The following ANO4 variants were observed in gnomAD, a reference collection of about 807,000 sequenced individuals.
ANO4 encodes the protein anoctamin-4.
ANO4 carries 69 observed loss-of-function variants against 141.9 expected under a neutral mutation model. That is an observed-to-expected ratio of 0.49 (90% CI 0.40 to 0.59). The LOEUF (loss-of-function observed/expected upper bound fraction) is 0.59. Ranked by LOEUF, ANO4 falls within the 20% of genes least tolerant of loss-of-function variation. ANO4 has a pLI of 0.00. For missense variants in ANO4, 894 were observed against 1,162.2 expected, an observed-to-expected ratio of 0.77 and a Z score of 3.36; for synonymous variants, 350 against 394.3, an observed-to-expected ratio of 0.89 and a Z score of 1.33.
At chr12:101,084,223 G>A (rs1434533581) in intron 16 of ANO4, among the ~76,000 whole-genome samples, 1 of 152,178 alleles carries the variant, frequency 6.6e-6, no homozygotes. Flanking sequence ...AATATGCCAA[G>A]CAAGTAGATG....
intron 14 of ANO4, among the ~76,000 whole-genome samples, chr12:101,049,172 G>T (rs777738487): frequency 6.6e-5 from 10 of 152,150 alleles, no homozygotes; most frequent in Middle Eastern, 3.4e-3. Context: ...TTTTTAGTCT[G>T]GTTTGAATTT....
chr12:100,751,660 C>T (rs1229056059), intron 3 of ANO4, among the ~76,000 whole-genome samples: 4 of 151,842 alleles, frequency 2.6e-5, no homozygotes, highest in Non-Finnish European at 4.4e-5. Flanking sequence ...TACTTTGTGC[C>T]CAGTACTACA....
At chr12:100,812,781 A>G (rs1009128026) in intron 1 of ANO4, among the ~76,000 whole-genome samples, 1 of 152,204 alleles carries the variant, frequency 6.6e-6, no homozygotes, top group Non-Finnish European at 1.5e-5. Flanking sequence ...TGAAGAGTAC[A>G]TTGTGTTTCG....
At chr12:100,850,800 A>G (rs1196198437) in intron 1 of ANO4, among the ~76,000 whole-genome samples, 2 of 152,172 alleles carry the variant, frequency 1.3e-5, no homozygotes, top group East Asian at 1.9e-4. Flanking sequence ...GATCTTGATT[A>G]TATAGATTTC....
intron 1 of ANO4, among the ~76,000 whole-genome samples, chr12:100,864,623 T>G (rs1178208597): frequency 6.6e-6 from 1 of 152,150 alleles, no homozygotes; most frequent in East Asian, 1.9e-4. Flanking sequence ...TAAGCCCTGC[T>G]TTTGCCTCAA....
chr12:101,110,309 G>A, intron 22 of ANO4, 95 bp from the exon 23 acceptor site: 1 of 1,293,694 alleles, frequency 7.7e-7, no homozygotes. Flanking sequence ...GGGAAAAATG[G>A]GACTTAAGAC....
chr12:100,838,050 G>A (rs573203344), intron 1 of ANO4, among the ~76,000 whole-genome samples: 1 of 152,060 alleles, frequency 6.6e-6, no homozygotes, highest in Admixed American at 6.6e-5. Flanking sequence ...CATGGTAGGG[G>A]GCATAGTGGA....
intron 2 of ANO4, among the ~76,000 whole-genome samples, chr12:100,914,131 T>C (rs2041233267): frequency 6.6e-6 from 1 of 152,240 alleles, no homozygotes; most frequent in African/African-American, 2.4e-5. Context: ...AGCTTTGCAA[T>C]TCTGACTTCC....
chr12:100,881,413 CTG>C (rs141015998), intron 1 of ANO4, among the ~76,000 whole-genome samples: 22,870 of 148,808 alleles, frequency 0.15, 1,918 homozygotes, highest in East Asian at 0.21. Flanking sequence ...TATAATAAAA[CTG>C]TTTTTATCTT....
At chr12:100,922,203 A>T in intron 2 of ANO4, 23 bp from the exon 3 acceptor site, 1 of 1,510,230 alleles carries the variant, frequency 6.6e-7, no homozygotes, top group Non-Finnish European at 8.8e-7. Context: ...TGCAAACTCC[A>T]TGAATATCTT....
At chr12:100,746,192 G>A (rs991813262) in intron 3 of ANO4, among the ~76,000 whole-genome samples, 19 of 152,144 alleles carry the variant, frequency 1.2e-4, no homozygotes, top group Admixed American at 7.2e-4. Context: ...GGTGGCTCAC[G>A]CCTGTAATCC....
At chr12:100,956,588 CT>C (rs1275222327) in intron 5 of ANO4, among the ~76,000 whole-genome samples, 1 of 152,182 alleles carries the variant, frequency 6.6e-6, no homozygotes, top group Non-Finnish European at 1.5e-5. Flanking sequence ...CCAGAATATT[CT>C]TTTGGATTGT....
At chr12:100,722,050 A>G (rs931949970) in intron 1 of ANO4, among the ~76,000 whole-genome samples, 5 of 152,142 alleles carry the variant, frequency 3.3e-5, no homozygotes, top group African/African-American at 4.8e-5. Context: ...TGAGGTCACT[A>G]AGAAGTTAAA....
chr12:100,925,812 T>TATAC (rs10622896), intron 3 of ANO4, among the ~76,000 whole-genome samples: 102,000 of 147,758 alleles, frequency 0.69, 35,374 homozygotes, highest in Middle Eastern at 0.75. Context: ...TATACATACA[T>TATAC]ATACATACAT....
At chr12:100,862,604 G>A (rs1181707867) in intron 1 of ANO4, among the ~76,000 whole-genome samples, 3 of 147,032 alleles carry the variant, frequency 2.0e-5, no homozygotes, top group Non-Finnish European at 4.4e-5. Flanking sequence ...TTACAGGCGT[G>A]AGCCACTGTG....
chr12:100,848,360 T>C (rs144046165), intron 1 of ANO4, among the ~76,000 whole-genome samples: 4 of 152,328 alleles, frequency 2.6e-5, no homozygotes, highest in African/African-American at 9.6e-5. Context: ...GAGGTGTATA[T>C]ATCAGAGATC....
intron 3 of ANO4, among the ~76,000 whole-genome samples, chr12:100,772,643 G>C (rs2033347596): frequency 6.6e-6 from 1 of 152,190 alleles, no homozygotes; most frequent in South Asian, 2.1e-4. Flanking sequence ...CGCAGCTGCA[G>C]ATCCCAAGGC....
Position 101,122,337 on chromosome 12 carries a change from G to A in ANO4, c.2676+1712G>A, listed in dbSNP as rs573872476. Among the ~76,000 whole-genome samples the A allele has an allele frequency of 1.4e-4, 21 of 152,138 alleles. No homozygotes were observed. In the East Asian group the frequency reaches 3.1e-3, roughly 22 times the overall value. On this transcript the variant is annotated intron_variant, in intron 26 of 27. Transcript: ENST00000392977. Reference sequence around the variant, plus strand: ...GCAAATATTTTCTCCCATTCTGTACGGTGTCTGTTTACTTCTTTGACAGTT... The same window carrying A: ...GCAAATATTTTCTCCCATTCTGTACAGTGTCTGTTTACTTCTTTGACAGTT...
chr12:101,007,635 C>T (rs578205534), intron 8 of ANO4, among the ~76,000 whole-genome samples: 7 of 152,228 alleles, frequency 4.6e-5, no homozygotes, highest in African/African-American at 7.2e-5. Context: ...TATTGTATTC[C>T]TTCAAGATGT....
Sources: allele counts gnomAD v4.1 joint callset (sites outside exome capture counted in the v4.1 genomes callset), GRCh38; gene constraint gnomAD v4.1.1; transcripts MANE v1.5; gene names NCBI Gene and HGNC (gene_info 2026-07-23, HGNC 2026-07-21).